LDB2: variants seen among roughly 807,000 people sequenced by gnomAD.
LDB2 encodes the protein LIM domain binding 2, also known as LIM domain-binding protein 2.
In LDB2, 12 loss-of-function variants were observed where a neutral mutation model predicts 44.3. The observed-to-expected ratio is 0.27, with a 90% CI of 0.17 to 0.44. The LOEUF (loss-of-function observed/expected upper bound fraction) is 0.44. LDB2 is among the 20% of genes least tolerant of loss of function. The pLI, the probability that LDB2 is intolerant of heterozygous loss-of-function variation, is 1.00. For missense variants in LDB2, 344 were observed against 473.5 expected (o/e 0.73, Z 2.54); for synonymous variants, 164 against 174.8 (o/e 0.94, Z 0.49).
chr4:16,828,761 C>T (rs1297136879), intron 1 of LDB2, among the ~76,000 whole-genome samples: 1 of 152,046 alleles, frequency 6.6e-6, no homozygotes, highest in Non-Finnish European at 1.5e-5. Flanking sequence ...AAAAGTGTGA[C>T]TTAAGGAGCC....
At chr4:16,670,471 C>G (rs1256117028) in intron 2 of LDB2, among the ~76,000 whole-genome samples, 1 of 152,160 alleles carries the variant, frequency 6.6e-6, no homozygotes, top group Non-Finnish European at 1.5e-5. Flanking sequence ...AAGGATGATG[C>G]CCTAACACTT....
chr4:16,631,502 C>A (rs1358327256), intron 2 of LDB2, among the ~76,000 whole-genome samples: 1 of 152,124 alleles, frequency 6.6e-6, no homozygotes, highest in South Asian at 2.1e-4. Context: ...AAAATCGACA[C>A]TCTAACATCA....
intron 2 of LDB2, among the ~76,000 whole-genome samples, chr4:16,703,420 G>C (rs754034770): frequency 9.9e-5 from 15 of 152,268 alleles, no homozygotes; most frequent in African/African-American, 1.4e-4. Flanking sequence ...AGAATGATGT[G>C]GTTTATGGAC....
chr4:16,535,653 G>A (rs1421150926), intron 5 of LDB2, among the ~76,000 whole-genome samples: 2 of 152,178 alleles, frequency 1.3e-5, no homozygotes, highest in Non-Finnish European at 2.9e-5. Flanking sequence ...TCAGAACTGG[G>A]ACCAGATGGT....
chr4:16,725,289 G>C (rs909607400), intron 2 of LDB2, among the ~76,000 whole-genome samples: 9 of 151,710 alleles, frequency 5.9e-5, no homozygotes, highest in African/African-American at 1.9e-4. Flanking sequence ...TATACATCTG[G>C]AGAGAGAGAA....
At chr4:16,535,825 C>T (rs952186236) in intron 5 of LDB2, among the ~76,000 whole-genome samples, 16 of 152,044 alleles carry the variant, frequency 1.1e-4, no homozygotes, top group Admixed American at 6.6e-5. Flanking sequence ...ACAAAGATAC[C>T]GATGTGTAGA....
chr4:16,706,899 G>T (rs562991138), intron 2 of LDB2, among the ~76,000 whole-genome samples: 1 of 152,154 alleles, frequency 6.6e-6, no homozygotes, highest in East Asian at 1.9e-4. Context: ...TTATTGCTAA[G>T]TAGTGTACGA....
intron 2 of LDB2, chr4:16,674,423 A>C (rs7699941): frequency 0.5 from 228,453 of 459,274 alleles, 57,161 homozygotes; most frequent in Admixed American, 0.51. Context: ...GTGATAATTC[A>C]GGAGCACCCA....
chr4:16,818,634 G>A (rs997866701), intron 1 of LDB2, among the ~76,000 whole-genome samples: 6 of 152,176 alleles, frequency 3.9e-5, no homozygotes, highest in African/African-American at 9.7e-5. Context: ...GGGCTATGGT[G>A]AGGCTTGTTA....
At chr4:16,538,090 G>A (rs1019194692) in intron 5 of LDB2, among the ~76,000 whole-genome samples, 1 of 152,180 alleles carries the variant, frequency 6.6e-6, no homozygotes, top group African/African-American at 2.4e-5. Flanking sequence ...CTCTCAGAGT[G>A]CCCAGTGTTT....
At chr4:16,780,296 C>T (rs1772902983) in intron 1 of LDB2, among the ~76,000 whole-genome samples, 2 of 152,100 alleles carry the variant, frequency 1.3e-5, no homozygotes, top group African/African-American at 4.8e-5. Context: ...GATCTCAGCT[C>T]ACTGCAACCT....
At chr4:16,673,478 G>A (rs564134992) in intron 2 of LDB2, among the ~76,000 whole-genome samples, 4 of 152,150 alleles carry the variant, frequency 2.6e-5, no homozygotes. Flanking sequence ...AAAAGGCTTA[G>A]GTCTTCTCAC....
chr4:16,800,737 C>T (rs1355191984), intron 1 of LDB2, among the ~76,000 whole-genome samples: 3 of 152,210 alleles, frequency 2.0e-5, no homozygotes, highest in Non-Finnish European at 2.9e-5. Context: ...TGCAGTGGCG[C>T]AATCTCGGCT....
intron 5 of LDB2, among the ~76,000 whole-genome samples, chr4:16,518,027 T>G (rs1724512094): frequency 6.6e-6 from 1 of 152,206 alleles, no homozygotes. Flanking sequence ...ATTTGTTCAT[T>G]TGATGAATAA....
chr4:16,685,601 G>C (rs1190138856), intron 2 of LDB2, among the ~76,000 whole-genome samples: 3 of 152,088 alleles, frequency 2.0e-5, no homozygotes, highest in African/African-American at 7.2e-5. Flanking sequence ...CAGGGGGAAG[G>C]AAGCAGATTC....
chr4:16,746,274 A>T (rs914531644), intron 2 of LDB2, among the ~76,000 whole-genome samples: 17 of 152,356 alleles, frequency 1.1e-4, no homozygotes, highest in Middle Eastern at 3.4e-3. Flanking sequence ...GTAAGTCATT[A>T]TTGAACATAT....
chr4:16,769,376 A>C (rs962321181), intron 1 of LDB2, among the ~76,000 whole-genome samples: 2 of 151,530 alleles, frequency 1.3e-5, no homozygotes, highest in Non-Finnish European at 2.9e-5. Flanking sequence ...GGCTCACTGC[A>C]ACCTCCGCCC....
chr4:16,848,146 T>C (rs1315745691), intron 1 of LDB2, among the ~76,000 whole-genome samples: 2 of 152,284 alleles, frequency 1.3e-5, no homozygotes, highest in African/African-American at 4.8e-5. Flanking sequence ...AGTAAGTATA[T>C]ATTATATTGA....
chr4:16,726,232 C>T (rs909574616), intron 2 of LDB2: 12 of 152,112 alleles, frequency 7.9e-5, no homozygotes, highest in East Asian at 3.9e-4. Context: ...AAGGCAAATG[C>T]TCAGTTTACA....
Sources: gnomAD v4.1 joint callset for allele counts (sites outside exome capture counted in the v4.1 genomes callset) on GRCh38, gnomAD v4.1.1 for gene constraint, MANE v1.5 for transcripts, NCBI Gene and HGNC (gene_info 2026-07-23, HGNC 2026-07-21) for gene names.